The following RTN4IP1 variants were observed in gnomAD, a reference collection of about 807,000 sequenced individuals.
RTN4IP1 encodes NAD(P)H oxidoreductase RTN4IP1, mitochondrial.
In RTN4IP1, 32 loss-of-function variants were observed where a neutral mutation model predicts 46.6. The observed-to-expected ratio is 0.69, with a 90% CI of 0.52 to 0.92. RTN4IP1 has a LOEUF of 0.92. RTN4IP1 is among the 40% of genes least tolerant of loss of function. The probability of loss-of-function intolerance (pLI) is 0.00; values close to 1 mark genes in which losing one functional copy is unlikely to be tolerated. For missense variants in RTN4IP1, 424 were observed against 485.8 expected, an observed-to-expected ratio of 0.87 and a Z score of 1.20; for synonymous variants, 167 against 161.8, an observed-to-expected ratio of 1.03 and a Z score of -0.24.
chr6:106,589,301 G>C (rs936208856), intron 6 of RTN4IP1, among the ~76,000 whole-genome samples: 1 of 133,026 alleles, frequency 7.5e-6, no homozygotes, highest in African/African-American at 2.8e-5. Flanking sequence ...AGAAGAAGAA[G>C]AGGAGGAGGA....
At chr6:106,621,534 A>G in intron 2 of RTN4IP1, 41 bp from the exon 3 acceptor site, 1 of 1,572,600 alleles carries the variant, frequency 6.4e-7, no homozygotes, top group Non-Finnish European at 8.8e-7. Context: ...AGAAACACAG[A>G]TATTTTTTGA....
chr6:106,572,131 G>A (rs1180063211), intron 8 of RTN4IP1, 28 bp from the exon 9 acceptor site: 2 of 1,540,634 alleles, frequency 1.3e-6, no homozygotes, highest in Non-Finnish European at 1.8e-6. Flanking sequence ...TTGACCGGTG[G>A]ATAAAAAAGC....
intron 7 of RTN4IP1, among the ~76,000 whole-genome samples, chr6:106,586,348 C>G (rs564570771): frequency 6.6e-6 from 1 of 152,160 alleles, no homozygotes; most frequent in Non-Finnish European, 1.5e-5. Flanking sequence ...TCCAGAGTCT[C>G]AAGTATTTTG....
intron 1 of RTN4IP1, among the ~76,000 whole-genome samples, chr6:106,625,920 T>C (rs1229917526): frequency 6.6e-6 from 1 of 152,116 alleles, no homozygotes; most frequent in East Asian, 1.9e-4. Flanking sequence ...CCTCCCAAAG[T>C]GCTGGAATTA....
At chr6:106,629,719 G>A, upstream of RTN4IP1, 2 of 1,601,216 alleles carry the variant, frequency 1.2e-6, no homozygotes, top group Non-Finnish European at 1.7e-6. Flanking sequence ...AGTGGAATTG[G>A]CCCGCTGAGG....
chr6:106,586,025 T>C (rs981125006), intron 7 of RTN4IP1, among the ~76,000 whole-genome samples: 2 of 152,138 alleles, frequency 1.3e-5, no homozygotes, highest in African/African-American at 2.4e-5. Flanking sequence ...CTGAATCAAA[T>C]GAAAATAAAG....
intron 4 of RTN4IP1, among the ~76,000 whole-genome samples, chr6:106,615,315 C>A (rs1316425484): frequency 6.6e-6 from 1 of 152,112 alleles, no homozygotes; most frequent in Non-Finnish European, 1.5e-5. Context: ...ATGTTTTTAA[C>A]TCTGGGCCTA....
chr6:106,593,963 G>A (rs1014281075), intron 5 of RTN4IP1, among the ~76,000 whole-genome samples: 1 of 151,920 alleles, frequency 6.6e-6, no homozygotes, highest in Non-Finnish European at 1.5e-5. Context: ...AAACTATTGA[G>A]GAAAAAGAAA....
intron 8 of RTN4IP1, among the ~76,000 whole-genome samples, chr6:106,579,551 TGA>T (rs112967596): frequency 3.3e-5 from 5 of 152,122 alleles, no homozygotes; most frequent in African/African-American, 1.2e-4. Context: ...CTGACAATAG[TGA>T]GCACATTAAA....
chr6:106,622,343 G>A (rs1003616929), intron 2 of RTN4IP1, among the ~76,000 whole-genome samples: 3 of 152,204 alleles, frequency 2.0e-5, no homozygotes, highest in Non-Finnish European at 4.4e-5. Context: ...TATAAAGATA[G>A]TTATAGGAAG....
intron 6 of RTN4IP1, among the ~76,000 whole-genome samples, chr6:106,589,561 C>A (rs1775595428): frequency 6.6e-6 from 1 of 152,004 alleles, no homozygotes; most frequent in African/African-American, 2.4e-5. Flanking sequence ...GGTTGTGGAT[C>A]CAGCTCTCCC....
intron 8 of RTN4IP1, among the ~76,000 whole-genome samples, chr6:106,577,804 G>C (rs1308585427): frequency 2.0e-5 from 3 of 152,146 alleles, no homozygotes; most frequent in African/African-American, 7.2e-5. Flanking sequence ...AGAGGTTGGA[G>C]TGATGTAGCC....
chr6:106,591,145 A>G (rs1327964626), intron 6 of RTN4IP1, among the ~76,000 whole-genome samples: 2 of 152,196 alleles, frequency 1.3e-5, no homozygotes, highest in African/African-American at 4.8e-5. Flanking sequence ...CTTGCTATTT[A>G]TAACAGCCTC....
At chr6:106,581,238 C>T (rs776859893) in intron 8 of RTN4IP1, among the ~76,000 whole-genome samples, 5 of 151,988 alleles carry the variant, frequency 3.3e-5, no homozygotes, top group African/African-American at 4.8e-5. Flanking sequence ...TTTCAAAGTT[C>T]AAGTATTTTA....
intron 4 of RTN4IP1, among the ~76,000 whole-genome samples, chr6:106,604,445 G>A (rs1776011922): frequency 6.6e-6 from 1 of 152,098 alleles, no homozygotes; most frequent in African/African-American, 2.4e-5. Context: ...TGAGTACTTT[G>A]AAGTAAAGAA....
At chr6:106,617,225 A>G (rs2035153) in intron 4 of RTN4IP1, among the ~76,000 whole-genome samples, 11,580 of 152,272 alleles carry the variant, frequency 0.076, 1,112 homozygotes, top group African/African-American at 0.21. Flanking sequence ...TAGCCTGAAC[A>G]GACTAAGACA....
At chr6:106,574,153 G>A (rs9486415) in intron 8 of RTN4IP1, among the ~76,000 whole-genome samples, 21,616 of 152,178 alleles carry the variant, frequency 0.14, 1,766 homozygotes, top group African/African-American at 0.21. Context: ...GGAATGCATT[G>A]ATGTTTCTCG....
chr6:106,607,148 T>C (rs1776098276), intron 4 of RTN4IP1, among the ~76,000 whole-genome samples: 1 of 152,048 alleles, frequency 6.6e-6, no homozygotes, highest in African/African-American at 2.4e-5. Context: ...TTGATGTTGG[T>C]GAGAGGATAA....
At chr6:106,627,148 A>AG (rs1346802957) in intron 1 of RTN4IP1, among the ~76,000 whole-genome samples, 1 of 151,732 alleles carries the variant, frequency 6.6e-6, no homozygotes, top group Admixed American at 6.6e-5. Context: ...GGAGAAAAAA[A>AG]AAAAGAGGAT....
Sources: allele counts gnomAD v4.1 joint callset (sites outside exome capture counted in the v4.1 genomes callset), GRCh38; gene constraint gnomAD v4.1.1; transcripts MANE v1.5; gene names NCBI Gene and HGNC (gene_info 2026-07-23, HGNC 2026-07-21).